The following SBK2 variants were observed in gnomAD, a reference collection of about 807,000 sequenced individuals.
SBK2 encodes serine/threonine-protein kinase SBK2.
In SBK2, 18 loss-of-function variants were observed where a neutral mutation model predicts 15.9. The ratio of observed to expected loss-of-function variants is 1.13; its 90% CI spans 0.78 to 1.68. SBK2 has a LOEUF of 1.68. Among genes scored for constraint, SBK2 ranks in the 40% most tolerant of loss-of-function variants. SBK2 has a pLI of 0.00. For synonymous variants in SBK2, 284 were observed against 246.8 expected, an observed-to-expected ratio of 1.15 and a Z score of -1.41; for missense variants, 581 against 510.9, an observed-to-expected ratio of 1.14 and a Z score of -1.32.
chr19:55,529,809 T>G lies in SBK2; in HGVS notation c.971A>C (p.His324Pro). ...CCGCTGCCTCCAGGGGCGCCCCAGG[T>G]GCTCCCTGATGGCGATCACAGCGCT... ...RRSAVIAIRE[H>P]LGRPWRQREG... Residue 324 changes from histidine to proline, a missense_variant, in exon 4 of 4, where the codon CAC becomes CCC. His to Pro is a moderately conservative substitution (Grantham distance 77). Transcript: ENST00000413299. 5 of 1,604,362 alleles carry G rather than the reference T, an allele frequency of 3.1e-6. No homozygotes were observed. In the South Asian group the frequency reaches 3.3e-5, roughly 11 times the overall value.
At chr19:55,534,472 G>C (rs1227599735) in intron 2 of SBK2, among the ~76,000 whole-genome samples, 5 of 152,020 alleles carry the variant, frequency 3.3e-5, no homozygotes, top group Non-Finnish European at 7.4e-5. Flanking sequence ...ACTTTGGGAG[G>C]CTGAGGCAGG....
intron 1 of SBK2, 53 bp from the exon 2 acceptor site, chr19:55,536,349 G>A (rs1399153879): frequency 2.9e-6 from 4 of 1,402,688 alleles, no homozygotes; most frequent in African/African-American, 1.5e-5. Flanking sequence ...CAAGGGAGGA[G>A]GGGACTGGGG....
Position 55,529,973 on chromosome 19 carries a change from C to A in SBK2, c.807G>T (p.Glu269Asp), listed in dbSNP as rs1268735425. 1.3e-6 allele frequency: 2 copies of A among 1,528,988 alleles called. No homozygotes were observed. The highest frequency in any genetic ancestry group is 2.1e-5 in the Admixed American group (1 of 46,606). The allele number at this position is 1,528,988 out of a possible 1,614,324, so 94.7% of individuals were successfully genotyped here. A position where few individuals can be genotyped will look rare whatever the true frequency, so the allele number is the denominator to read the frequency against. Residue 269 changes from glutamate (E) to aspartate (D), a missense_variant, in exon 4 of 4, where the codon GAG becomes GAT. Glu to Asp is a conservative substitution (Grantham distance 45). Coordinates refer to ENST00000413299, the MANE Select transcript of SBK2 (RefSeq NM_001370096.2). The stretch of plus-strand genomic sequence containing the variant: ...GGAAGTCCTCGTAGAAGGGGTCGGC[C>A]TCGGCCAGGGGCCGGTCCCAGGGGA... Reference protein sequence around the residue: ...GYFPWDRPLAEADPFYEDFLI... With the variant: ...GYFPWDRPLADADPFYEDFLI...
rs1279379039 is a variant in SBK2 at position 55,529,205 on chromosome 19, G to T, written c.*528C>A. ...AGGCCAGGAGTTGACACCCACCTGG[G>T]CAACATAGCAAGACCCCTCCATCTC... is the stretch of plus-strand genomic sequence containing the variant. On this transcript the variant is annotated 3_prime_UTR_variant, in exon 4 of 4. Transcript: ENST00000413299. 6.7e-6 allele frequency among the ~76,000 whole-genome samples: 1 copy of T among 148,544 alleles called. No homozygotes were observed. Among genetic ancestry groups the T allele is most frequent in the East Asian group, 2.0e-4 (1 of 5,074 alleles).
chr19:55,535,894 CA>C (rs1421979815), intron 2 of SBK2, 147 bp downstream of exon 2: 1 of 796,346 alleles, frequency 1.3e-6, no homozygotes, highest in Non-Finnish European at 1.8e-6. Flanking sequence ...ACCAACCAAC[CA>C]AAAGAACAAA....
intron 3 of SBK2, among the ~76,000 whole-genome samples, chr19:55,530,721 T>C (rs140422430): frequency 1.8e-3 from 22 of 12,322 alleles, no homozygotes; most frequent in African/African-American, 3.6e-3. Flanking sequence ...TAGTGTGACC[T>C]GTGAGGCCTG....
chr19:55,531,848 G>A (rs1035764091), intron 2 of SBK2, among the ~76,000 whole-genome samples: 58 of 152,110 alleles, frequency 3.8e-4, no homozygotes, highest in African/African-American at 1.3e-3. Flanking sequence ...GTGTGGTGGC[G>A]CATGCGTGTA....
chr19:55,533,295 C>T (rs1988316146), intron 2 of SBK2, among the ~76,000 whole-genome samples: 1 of 150,318 alleles, frequency 6.7e-6, no homozygotes, highest in Non-Finnish European at 1.5e-5. Flanking sequence ...TGTACCACTC[C>T]ACTCACTGCA....
chr19:55,531,100 G>A (rs1988245306), intron 3 of SBK2, 43 bp downstream of exon 3: 2 of 1,564,440 alleles, frequency 1.3e-6, no homozygotes, highest in African/African-American at 1.3e-5. Context: ...TTCCTGGGAG[G>A]CCGGTGAGGC....
Position 55,531,261 on chromosome 19 carries a change from A to AG in SBK2, c.337dup (p.Leu113ProfsTer386). The AG allele has an allele frequency of 1.2e-6, 2 of 1,613,756 alleles. No homozygotes were observed. Among genetic ancestry groups the AG allele is most frequent in the South Asian group, 2.2e-5 (2 of 91,074 alleles). On this transcript the variant is annotated frameshift_variant, in exon 3 of 4. Transcript: ENST00000413299. LOFTEE classifies it high-confidence loss of function. Reference sequence around the variant, plus strand: ...CGTCACGATGGCTGAGTGCGCGCCCAGCGAGAGCCCCACACAGAACTCGTA... The same window carrying AG: ...CGTCACGATGGCTGAGTGCGCGCCCAGGCGAGAGCCCCACACAGAACTCGTA...
In SBK2 at chr19:55,536,270, C is replaced by T. The variant is rs780172229; in HGVS notation, c.25G>A (p.Gly9Arg). 7.6e-6 allele frequency: 12 copies of T among 1,581,428 alleles called. No individual in the cohort carries two copies. In the South Asian group the frequency reaches 9.1e-5, roughly 12 times the overall value. Residue 9 changes from glycine to arginine, a missense_variant, in exon 2 of 4, where the codon GGG (glycine) becomes AGG (arginine). Physicochemically the swap from Gly to Arg is moderately radical, Grantham distance 125 (BLOSUM62 -2). Coordinates refer to ENST00000413299, the MANE Select transcript of SBK2 (RefSeq NM_001370096.2). MPGKQSEE[G>R]PAEAGASEDS... ...TCCGAAGCCCCTGCCTCCGCCGGCC[C>T]TTCCTCAGACTGTTTGCCGGGCATC...
rs756578262 is a variant in SBK2, at chr19:55,529,491, C to T, written c.*242G>A. On this transcript the variant is annotated 3_prime_UTR_variant, in exon 4 of 4. Coordinates refer to ENST00000413299, the MANE Select transcript of SBK2 (RefSeq NM_001370096.2). ...CCCTGGGGAAGGTGGCGGCAGGTAC[C>T]GAGAGCCACGCGGAGGTCTGAGACC... is the stretch of plus-strand genomic sequence containing the variant. 6.6e-6 allele frequency among the ~76,000 whole-genome samples: 1 copy of T among 151,858 alleles called. No homozygotes were observed. Among genetic ancestry groups the T allele is most frequent in the Non-Finnish European group, 1.5e-5 (1 of 67,940 alleles).
rs1368838408 is a variant in SBK2 at position 55,536,309 on chromosome 19, A to G, written c.-2-13T>C. 1 of 1,485,158 alleles carries G rather than the reference A, an allele frequency of 6.7e-7. No homozygotes were observed. 92.0% of individuals were successfully genotyped at this position (1,485,158 alleles called of 1,614,324 possible). ...TTGCCGGGCATCTCTGCGAGAACAG[A>G]GAGGGGTGCCCAGGCTCAGGTCCCA... is the stretch of plus-strand genomic sequence containing the variant. On this transcript the variant is annotated splice_polypyrimidine_tract_variant and intron_variant, in intron 1 of 3. Coordinates refer to ENST00000413299, the MANE Select transcript of SBK2 (RefSeq NM_001370096.2).
intron 2 of SBK2, 44 bp from the exon 3 acceptor site, chr19:55,531,389 G>A (rs754400259): frequency 1.4e-6 from 2 of 1,450,044 alleles, no homozygotes. Flanking sequence ...AGCAGCCAAG[G>A]GCCACCTGGG....
At chr19:55,534,319 C>T (rs972163312) in intron 2 of SBK2, among the ~76,000 whole-genome samples, 31 of 152,224 alleles carry the variant, frequency 2.0e-4, no homozygotes, top group African/African-American at 6.7e-4. Context: ...AGGGAGAAGA[C>T]GGCCAAATGC....
rs371767519 is a variant in SBK2 at position 55,530,374 on chromosome 19, C to G, written c.457-51G>C. On this transcript the variant is annotated intron_variant, in intron 3 of 3. Coordinates refer to ENST00000413299, the MANE Select transcript of SBK2 (RefSeq NM_001370096.2). ...GTGCCCCGGGGCCACGGAAGGCAAC[C>G]GAGACCCAGGAAGCAGGCCCAGGAC... The G allele has an allele frequency of 1.9e-5, 26 of 1,386,724 alleles. No homozygotes were observed. In the South Asian group the frequency reaches 4.1e-4, roughly 22 times the overall value. 85.9% of individuals were successfully genotyped at this position (1,386,724 alleles called of 1,614,324 possible). A position where few individuals can be genotyped will look rare whatever the true frequency, so the allele number is the denominator to read the frequency against.
chr19:55,530,913 C>T (rs2123476101), intron 3 of SBK2, among the ~76,000 whole-genome samples: 1 of 152,278 alleles, frequency 6.6e-6, no homozygotes, highest in South Asian at 2.1e-4. Flanking sequence ...TGACCTGGGG[C>T]TGCCTGGTGA....
chr19:55,529,707 C>T lies in SBK2; in HGVS notation c.*26G>A. 6 of 1,592,858 alleles carry T rather than the reference C, an allele frequency of 3.8e-6. No homozygotes were observed. Among genetic ancestry groups the T allele is most frequent in the South Asian group, 1.1e-5 (1 of 90,448 alleles). Reference sequence around the variant, plus strand: ...TTGGGGGCCTCGGGTGGGGCGGCTTCCCTTTCTGCATCCCCCGGGGCCTCC... The same window carrying T: ...TTGGGGGCCTCGGGTGGGGCGGCTTTCCTTTCTGCATCCCCCGGGGCCTCC... On this transcript the variant is annotated 3_prime_UTR_variant, in exon 4 of 4. Transcript: ENST00000413299.
rs544689338 is a variant in SBK2, at chr19:55,529,427, T to G, written c.*306A>C. ...AATAAAAATGCGAGGGGTGAGGGGA[T>G]GAGCCTAAAGTGCCCTGAGCAAACA... On this transcript the variant is annotated 3_prime_UTR_variant, in exon 4 of 4. Transcript: ENST00000413299. 1.3e-5 allele frequency among the ~76,000 whole-genome samples: 2 copies of G among 151,970 alleles called. No individual in the cohort carries two copies. The highest frequency in any genetic ancestry group is 3.9e-4 in the East Asian group (2 of 5,154).
Sources: allele counts gnomAD v4.1 joint callset (sites outside exome capture counted in the v4.1 genomes callset), GRCh38; gene constraint gnomAD v4.1.1; transcripts MANE v1.5; gene names NCBI Gene and HGNC (gene_info 2026-07-23, HGNC 2026-07-21).